MAP2K6: variants seen among roughly 807,000 people sequenced by gnomAD.
The protein encoded by MAP2K6 is dual specificity mitogen-activated protein kinase kinase 6.
Under a neutral mutation model 53.7 loss-of-function variants are expected in MAP2K6, and 16 were observed. The ratio of observed to expected loss-of-function variants is 0.30; its 90% CI spans 0.20 to 0.45. The LOEUF (loss-of-function observed/expected upper bound fraction) is 0.45. MAP2K6 is among the 20% of genes least tolerant of loss of function. MAP2K6 has a pLI of 1.00. For missense variants in MAP2K6, 204 were observed against 411.9 expected (o/e 0.50, Z 4.37); for synonymous variants, 132 against 143.1 (o/e 0.92, Z 0.55).
chr17:69,446,313 A>C (rs1377574379), intron 1 of MAP2K6, among the ~76,000 whole-genome samples: 1 of 152,260 alleles, frequency 6.6e-6, no homozygotes, highest in Non-Finnish European at 1.5e-5. Flanking sequence ...ACAAGGATAC[A>C]GCCTGGATTT....
chr17:69,521,724 TC>T (rs1265119744), intron 7 of MAP2K6: 1 of 142,452 alleles, frequency 7.0e-6, no homozygotes, highest in East Asian at 2.0e-4. Context: ...ATGTAATAGA[TC>T]CCCTGAGAGG....
intron 1 of MAP2K6, among the ~76,000 whole-genome samples, chr17:69,504,008 G>A (rs917675817): frequency 2.0e-5 from 3 of 152,114 alleles, no homozygotes; most frequent in Non-Finnish European, 4.4e-5. Context: ...ATCTCTAAAC[G>A]TCTTCTATTG....
chr17:69,512,724 C>A (rs1299940629), intron 2 of MAP2K6, among the ~76,000 whole-genome samples: 1 of 152,042 alleles, frequency 6.6e-6, no homozygotes, highest in African/African-American at 2.4e-5. Flanking sequence ...TCAATTCATA[C>A]CCTATTCTAT....
chr17:69,466,375 C>T (rs1038709396), intron 1 of MAP2K6, among the ~76,000 whole-genome samples: 2 of 151,964 alleles, frequency 1.3e-5, no homozygotes, highest in Non-Finnish European at 2.9e-5. Context: ...TTTATCTTCC[C>T]TTCCTCTATG....
rs375893234 is a variant in MAP2K6, at chr17:69,541,199, T to C, written c.928-477T>C. Among the ~76,000 whole-genome samples, 247 of 151,958 alleles carry C rather than the reference T, an allele frequency of 1.6e-3. No individual in the cohort carries two copies. The Middle Eastern group carries it at 0.055, about 34-fold the overall frequency. ...AATCACTTGAACCCGGGAGGCAGAG[T>C]TTGCAGTGAGCCAAGATCGCACCAC... On this transcript the variant is annotated intron_variant, in intron 11 of 11. Transcript: ENST00000590474.
intron 1 of MAP2K6, among the ~76,000 whole-genome samples, chr17:69,432,660 TG>T (rs1022338021): frequency 2.3e-4 from 19 of 81,968 alleles, no homozygotes; most frequent in African/African-American, 8.2e-4. Flanking sequence ...TCGGGAGGGG[TG>T]GGGGAGGGAG....
Position 69,505,817 on chromosome 17 carries a change from A to G in MAP2K6, c.54A>G (p.Glu18=), listed in dbSNP as rs1909440384. The change falls in exon 2 of 12, where the codon GAA becomes GAG. Residue 18 remains glutamate (E), a synonymous_variant. Coordinates refer to ENST00000590474, the MANE Select transcript of MAP2K6 (RefSeq NM_002758.4). ...KRNPGLKIPK[E]AFEQPQTSST... Reference sequence around the variant, plus strand: ...ACCCTGGCCTTAAAATTCCAAAAGAAGCATTTGAACAACCTCAGACCAGTT... The same window carrying G: ...ACCCTGGCCTTAAAATTCCAAAAGAGGCATTTGAACAACCTCAGACCAGTT... 1.2e-6 allele frequency: 2 copies of G among 1,613,886 alleles called. No individual in the cohort carries two copies. Among genetic ancestry groups the G allele is most frequent in the Middle Eastern group, 1.6e-4 (1 of 6,084 alleles).
intron 4 of MAP2K6, among the ~76,000 whole-genome samples, chr17:69,517,870 A>C (rs1294351381): frequency 1.3e-5 from 2 of 152,142 alleles, no homozygotes; most frequent in East Asian, 1.9e-4. Flanking sequence ...AATTTTTACA[A>C]AACTACCATG....
chr17:69,446,672 CA>C (rs759156590), intron 1 of MAP2K6, among the ~76,000 whole-genome samples: 1 of 152,246 alleles, frequency 6.6e-6, no homozygotes, highest in East Asian at 1.9e-4. Flanking sequence ...CAACTTCGAT[CA>C]GGGGCACTCT....
At chr17:69,517,034 G>A in intron 3 of MAP2K6, 131 bp downstream of exon 3, 1 of 679,844 alleles carries the variant, frequency 1.5e-6, no homozygotes, top group Non-Finnish European at 2.5e-6. Context: ...AAAGGGAAGT[G>A]GTATGCAAAG....
chr17:69,450,701 A>AT (rs746673203), intron 1 of MAP2K6, among the ~76,000 whole-genome samples: 261 of 143,860 alleles, frequency 1.8e-3, no homozygotes, highest in East Asian at 8.9e-3. Flanking sequence ...AGTGGGGCCA[A>AT]TTTTTTTTTT....
At chr17:69,456,604 G>A (rs1008727186) in intron 1 of MAP2K6, among the ~76,000 whole-genome samples, 2 of 152,136 alleles carry the variant, frequency 1.3e-5, no homozygotes, top group Non-Finnish European at 2.9e-5. Flanking sequence ...TGGATCAATT[G>A]TTTTCTCAGT....
rs531567533 is a variant in MAP2K6 at position 69,447,737 on chromosome 17, G to A, written c.16+32737G>A. 3.3e-4 allele frequency among the ~76,000 whole-genome samples: 51 copies of A among 152,352 alleles called. No individual in the cohort carries two copies. The East Asian group carries it at 8.5e-3, about 25-fold the overall frequency. On this transcript the variant is annotated intron_variant, in intron 1 of 11. Transcript: ENST00000590474. ...GAAGAAAGAAAGAAATAGAGCAATG[G>A]CTTAGTTTGGGCCATTGGGGCATTC...
chr17:69,536,988 G>A (rs746796544), intron 11 of MAP2K6, among the ~76,000 whole-genome samples: 11 of 152,250 alleles, frequency 7.2e-5, no homozygotes, highest in Non-Finnish European at 1.0e-4. Flanking sequence ...AAGCCGAGGT[G>A]GCAGGATCAC....
At chr17:69,428,732 G>C (rs978935626) in intron 1 of MAP2K6, among the ~76,000 whole-genome samples, 1 of 152,148 alleles carries the variant, frequency 6.6e-6, no homozygotes, top group African/African-American at 2.4e-5. Flanking sequence ...TCTGTTGGTA[G>C]AGGAAGGACC....
At chr17:69,464,779 G>A (rs1907741396) in intron 1 of MAP2K6, among the ~76,000 whole-genome samples, 1 of 152,068 alleles carries the variant, frequency 6.6e-6, no homozygotes, top group South Asian at 2.1e-4. Context: ...GCAGTGGTGT[G>A]ATCTCAGCTC....
chr17:69,450,336 A>C (rs1399482119), intron 1 of MAP2K6, among the ~76,000 whole-genome samples: 3 of 152,188 alleles, frequency 2.0e-5, no homozygotes, highest in Non-Finnish European at 4.4e-5. Context: ...AAAATGAATC[A>C]CAATAAAGTA....
At chr17:69,416,180 T>C (rs1905893735) in intron 1 of MAP2K6, among the ~76,000 whole-genome samples, 1 of 152,198 alleles carries the variant, frequency 6.6e-6, no homozygotes, top group African/African-American at 2.4e-5. Flanking sequence ...TAACAAGCTT[T>C]TTGCTACTTT....
chr17:69,498,629 C>CCA (rs112844153), intron 1 of MAP2K6, among the ~76,000 whole-genome samples: 60,930 of 146,206 alleles, frequency 0.42, 12,783 homozygotes, highest in East Asian at 0.53. Context: ...CGCCTGGAAG[C>CCA]CACACACACA....
Sources: gnomAD v4.1 joint callset for allele counts (sites outside exome capture counted in the v4.1 genomes callset) on GRCh38, gnomAD v4.1.1 for gene constraint, MANE v1.5 for transcripts, NCBI Gene and HGNC (gene_info 2026-07-23, HGNC 2026-07-21) for gene names.